VWA8: variants seen among roughly 807,000 people sequenced by gnomAD.
The protein encoded by VWA8 is von Willebrand factor A domain containing 8.
A neutral mutation model predicts 241.5 loss-of-function variants in VWA8; 221 were observed. That is an observed-to-expected ratio of 0.91 (90% confidence interval 0.82 to 1.02). The LOEUF (loss-of-function observed/expected upper bound fraction) is 1.02, where lower values mean the gene tolerates loss of function less well. Ranked by LOEUF, VWA8 falls within the 50% of genes least tolerant of loss-of-function variation. The pLI, the probability that VWA8 is intolerant of heterozygous loss-of-function variation, is 0.00. For synonymous variants in VWA8, 852 were observed against 827.1 expected (o/e 1.03, Z -0.52); for missense variants, 2,322 against 2,328.7 (o/e 1.00, Z 0.06).
chr13:41,574,690 C>T (rs1158491296), intron 43 of VWA8, among the ~76,000 whole-genome samples: 1 of 152,156 alleles, frequency 6.6e-6, no homozygotes, highest in African/African-American at 2.4e-5. Context: ...GCTATAGTTA[C>T]CAAAACAGCA....
chr13:41,872,536 T>A (rs1185730036), intron 9 of VWA8, among the ~76,000 whole-genome samples: 2 of 152,180 alleles, frequency 1.3e-5, no homozygotes, highest in East Asian at 1.9e-4. Context: ...GCTAGCCAGT[T>A]TTCCCAGCAC....
chr13:41,873,321 A>G, intron 9 of VWA8, among the ~76,000 whole-genome samples: 1 of 152,234 alleles, frequency 6.6e-6, no homozygotes, highest in Non-Finnish European at 1.5e-5. Context: ...AAGGCAAGAA[A>G]TAACTAAAAT....
chr13:41,885,025 G>T (rs1411232240), intron 8 of VWA8, among the ~76,000 whole-genome samples: 3 of 152,086 alleles, frequency 2.0e-5, no homozygotes, highest in Non-Finnish European at 4.4e-5. Flanking sequence ...TGTTACAAAA[G>T]CTTCCTAGTC....
intron 40 of VWA8, among the ~76,000 whole-genome samples, chr13:41,595,350 A>G (rs1229302710): frequency 6.6e-6 from 1 of 152,172 alleles, no homozygotes. Context: ...AGAGGGAAAC[A>G]CTTTTTCCAA....
intron 17 of VWA8, among the ~76,000 whole-genome samples, chr13:41,803,348 T>C (rs998601314): frequency 2.0e-5 from 3 of 152,016 alleles, no homozygotes; most frequent in South Asian, 2.1e-4. Context: ...GTGACCAATC[T>C]CAGAGAGACA....
At chr13:41,849,953 T>C (rs1039576461) in intron 12 of VWA8, among the ~76,000 whole-genome samples, 6 of 151,638 alleles carry the variant, frequency 4.0e-5, no homozygotes, top group Non-Finnish European at 8.8e-5. Context: ...AACACAGCAA[T>C]GTGTTGCTAC....
At chr13:41,802,493 A>G (rs1443115875) in intron 17 of VWA8, among the ~76,000 whole-genome samples, 1 of 152,204 alleles carries the variant, frequency 6.6e-6, no homozygotes, top group Non-Finnish European at 1.5e-5. Flanking sequence ...CATGTGACCC[A>G]GTCAGACACC....
chr13:41,741,741 A>G (rs1238633268), intron 21 of VWA8, among the ~76,000 whole-genome samples: 1 of 152,236 alleles, frequency 6.6e-6, no homozygotes, highest in Admixed American at 6.5e-5. Flanking sequence ...TGCAAAGCAG[A>G]TTATTAGGCA....
chr13:41,643,775 T>C (rs994352390), intron 37 of VWA8, among the ~76,000 whole-genome samples: 6 of 151,742 alleles, frequency 4.0e-5, no homozygotes, highest in African/African-American at 1.5e-4. Context: ...CTAAAGAAGG[T>C]AGCCAAAAGA....
At chr13:41,829,928 G>A (rs1871357575) in intron 14 of VWA8, among the ~76,000 whole-genome samples, 1 of 151,980 alleles carries the variant, frequency 6.6e-6, no homozygotes, top group Non-Finnish European at 1.5e-5. Flanking sequence ...AAAAACTATT[G>A]AAATAAAAAA....
At chr13:41,818,626 A>C (rs921054619) in intron 15 of VWA8, among the ~76,000 whole-genome samples, 3 of 152,144 alleles carry the variant, frequency 2.0e-5, no homozygotes, top group Non-Finnish European at 4.4e-5. Flanking sequence ...TGAAGCGTGC[A>C]GTTCTAAAAC....
Position 41,590,755 on chromosome 13 carries a change from T to C in VWA8, c.4997A>G (p.Lys1666Arg). The C allele has an allele frequency of 6.2e-7, 1 of 1,614,008 alleles. No homozygotes were observed. The highest frequency in any genetic ancestry group is 8.5e-7 in the Non-Finnish European group (1 of 1,179,962). The change falls in exon 41 of 45, where the codon AAA (lysine) becomes AGA (arginine). Residue 1666 changes from lysine to arginine, a missense_variant. Coordinates refer to ENST00000379310, the MANE Select transcript of VWA8 (RefSeq NM_015058.2). ...IILDNLQAKG[K>R]ERQWLRHQAT... is the part of the protein sequence containing the mutation. ...TTGATGTCTTAGCCATTGTCTTTCT[T>C]TACCTTTAGCCTACAAAAGACACAC...
chr13:41,961,042 C>A lies in VWA8; in HGVS notation c.-27G>T, dbSNP rs1383784940. On this transcript the variant is annotated 5_prime_UTR_variant, in exon 1 of 45. Coordinates refer to ENST00000379310, the MANE Select transcript of VWA8 (RefSeq NM_015058.2). ...GCGCCGGGGGGGCTGTCGGGGACGG[C>A]GAGGGGGCTCGGGGATCGAGCGGCG... 3 of 1,352,386 alleles carry A rather than the reference C, an allele frequency of 2.2e-6. No homozygotes were observed. The highest frequency in any genetic ancestry group is 3.1e-5 in the African/African-American group (2 of 65,182). 83.8% of individuals were successfully genotyped at this position (1,352,386 alleles called of 1,614,324 possible). A position where few individuals can be genotyped will look rare whatever the true frequency, so the allele number is the denominator to read the frequency against.
chr13:41,816,910 G>A, intron 15 of VWA8, 135 bp from the exon 16 acceptor site: 1 of 695,674 alleles, frequency 1.4e-6, no homozygotes, highest in Non-Finnish European at 2.4e-6. Context: ...TTGGCTAAAT[G>A]TTTAACTTAT....
intron 9 of VWA8, among the ~76,000 whole-genome samples, chr13:41,877,750 A>G (rs1873967291): frequency 6.6e-6 from 1 of 152,134 alleles, no homozygotes; most frequent in South Asian, 2.1e-4. Flanking sequence ...AAGACACGTT[A>G]CTAGAAGCCT....
chr13:41,768,630 T>TG (rs2137916168), intron 20 of VWA8, among the ~76,000 whole-genome samples: 2 of 152,300 alleles, frequency 1.3e-5, no homozygotes, highest in South Asian at 4.1e-4. Context: ...AAAATTGAAA[T>TG]GGCATAATTT....
intron 2 of VWA8, among the ~76,000 whole-genome samples, chr13:41,922,501 T>C (rs933839479): frequency 6.6e-6 from 1 of 152,170 alleles, no homozygotes; most frequent in East Asian, 1.9e-4. Flanking sequence ...ACAGGCAACC[T>C]ACAGAATGGG....
At chr13:41,647,425 AT>A (rs2044838923) in intron 37 of VWA8, among the ~76,000 whole-genome samples, 1 of 152,242 alleles carries the variant, frequency 6.6e-6, no homozygotes, top group Non-Finnish European at 1.5e-5. Flanking sequence ...TCTTAAATAC[AT>A]TAGAATGTGT....
chr13:41,753,967 G>A lies in VWA8; in HGVS notation c.2426+7161C>T, dbSNP rs116627805. Among the ~76,000 whole-genome samples the A allele has an allele frequency of 2.5e-3, 373 of 152,194 alleles. 1 individual carries two copies. The highest frequency in any genetic ancestry group is 8.6e-3 in the African/African-American group (359 of 41,540). ...TTAAGGCAATTTTATGAGCTAAAAT[G>A]TTATAGCAAATGTAGCCCTAAAGCT... is the stretch of plus-strand genomic sequence containing the variant. On this transcript the variant is annotated intron_variant, in intron 21 of 44. Coordinates refer to ENST00000379310, the MANE Select transcript of VWA8 (RefSeq NM_015058.2).
Sources: allele counts gnomAD v4.1 joint callset (sites outside exome capture counted in the v4.1 genomes callset), GRCh38; gene constraint gnomAD v4.1.1; transcripts MANE v1.5; gene names NCBI Gene and HGNC (gene_info 2026-07-23, HGNC 2026-07-21).